SH3D19: variants seen among roughly 807,000 people sequenced by gnomAD.
SH3D19 encodes SH3 domain containing 19.
In SH3D19, 58 loss-of-function variants were observed where a neutral mutation model predicts 112.1. The ratio of observed to expected loss-of-function variants is 0.52; its 90% CI spans 0.42 to 0.64. SH3D19 has a LOEUF of 0.64. Ranked by LOEUF, SH3D19 falls within the 30% of genes least tolerant of loss-of-function variation. The pLI is 0.00. For synonymous variants in SH3D19, 391 were observed against 448.5 expected (o/e 0.87, Z 1.62); for missense variants, 1,090 against 1,263.4 (o/e 0.86, Z 2.08).
chr4:151,149,383 G>A lies in SH3D19; in HGVS notation c.1817+117C>T. ...GATTAGGGGCCTGCGTGAAATCGGTGAGATTATTTTATCTCTAAAAAAAGA... is the reference window on the plus strand; with the variant it reads ...GATTAGGGGCCTGCGTGAAATCGGTAAGATTATTTTATCTCTAAAAAAAGA... On this transcript the variant is annotated intron_variant, in intron 10 of 19. Coordinates refer to ENST00000604030, the MANE Select transcript of SH3D19 (RefSeq NM_001378122.1). 3.9e-6 allele frequency: 3 copies of A among 768,062 alleles called. No homozygotes were observed. The South Asian group carries it at 5.4e-5, about 14-fold the overall frequency. The allele number at this position is 768,062 out of a possible 1,614,324, so 47.6% of individuals were successfully genotyped here. A position where few individuals can be genotyped will look rare whatever the true frequency, so the allele number is the denominator to read the frequency against.
intron 16 of SH3D19, 129 bp from the exon 17 acceptor site, chr4:151,132,512 T>C: frequency 1.4e-6 from 1 of 736,424 alleles, no homozygotes; most frequent in East Asian, 2.7e-5. Flanking sequence ...GGTCTCTTCA[T>C]GTATTGTCTA....
intron 7 of SH3D19, among the ~76,000 whole-genome samples, chr4:151,171,404 T>G (rs1450203779): frequency 6.6e-6 from 1 of 152,162 alleles, no homozygotes; most frequent in East Asian, 1.9e-4. Flanking sequence ...ACACGGAGCA[T>G]CTTAAGAAGA....
intron 1 of SH3D19, among the ~76,000 whole-genome samples, chr4:151,266,825 T>C (rs574749622): frequency 1.3e-5 from 2 of 152,352 alleles, no homozygotes; most frequent in South Asian, 4.1e-4. Context: ...TTATGACTCC[T>C]CTGTGTTAAG....
At chr4:151,253,736 G>A (rs1311183366) in intron 1 of SH3D19, among the ~76,000 whole-genome samples, 11 of 49,476 alleles carry the variant, frequency 2.2e-4, no homozygotes, top group South Asian at 4.2e-4. Flanking sequence ...GCGAGACTCC[G>A]TCTCAAAAAA....
chr4:151,175,511 T>G lies in SH3D19; in HGVS notation c.693A>C (p.Lys231Asn). 7.1e-7 allele frequency: 1 copy of G among 1,410,774 alleles called. No homozygotes were observed. The highest frequency in any genetic ancestry group is 9.2e-7 in the Non-Finnish European group (1 of 1,086,994). The allele number at this position is 1,410,774 out of a possible 1,614,324, so 87.4% of individuals were successfully genotyped here. A position where few individuals can be genotyped will look rare whatever the true frequency, so the allele number is the denominator to read the frequency against. ...CTCTGGGTATTGGTCTGAGGTTGCT[T>G]TTTGATCTTGGTTTTGGCACTGGAC... ...TRCPVPKPRS[K>N]SNLRPIPRDS... The change falls in exon 7 of 20, where the codon AAA (lysine) becomes AAC (asparagine). Residue 231 changes from lysine (K) to asparagine (N), a missense_variant. Transcript: ENST00000604030.
At chr4:151,279,735 G>C (rs878876917) in intron 1 of SH3D19, 4 of 1,501,312 alleles carry the variant, frequency 2.7e-6, no homozygotes, top group South Asian at 2.3e-5. Flanking sequence ...TGATGATAAG[G>C]TGGGGACCAG....
Position 151,148,091 on chromosome 4 carries a change from G to A in SH3D19, c.1913C>T (p.Ser638Phe), listed in dbSNP as rs1754248618. The change falls in exon 11 of 20, where the codon TCT (serine) becomes TTT (phenylalanine). Residue 638 changes from serine to phenylalanine, a missense_variant. Physicochemically the swap from Ser to Phe is radical, Grantham distance 155 (BLOSUM62 -2). Transcript: ENST00000604030. Reference sequence around the variant, plus strand: ...TCGATTAAAAGGCAGTTTCTTATTAGATCTTCTGGTTGCAGAAAGCTTTGG... The same window carrying A: ...TCGATTAAAAGGCAGTTTCTTATTAAATCTTCTGGTTGCAGAAAGCTTTGG... ...PPPKLSATRR[S>F]NKKLPFNRSS... is the part of the protein sequence containing the mutation. The A allele has an allele frequency of 6.2e-7, 1 of 1,613,992 alleles. No individual in the cohort carries two copies.
intron 1 of SH3D19, among the ~76,000 whole-genome samples, chr4:151,274,241 A>AT (rs1431168329): frequency 2.0e-5 from 3 of 152,286 alleles, no homozygotes; most frequent in East Asian, 1.9e-4. Flanking sequence ...AAATGGAGAG[A>AT]TTTTTTTCAC....
intron 12 of SH3D19, among the ~76,000 whole-genome samples, chr4:151,143,657 C>T (rs1189129610): frequency 6.6e-6 from 1 of 151,534 alleles, no homozygotes; most frequent in Non-Finnish European, 1.5e-5. Context: ...CATAATCTCG[C>T]TCTATGGCCC....
chr4:151,132,351 C>T lies in SH3D19; in HGVS notation c.2722G>A (p.Asp908Asn). Reference protein sequence around the residue: ...TKVPLKTKKEDSGSNSQVNSL... With the variant: ...TKVPLKTKKENSGSNSQVNSL... ...CCTACCTGAGAGTTTGAGCCAGAAT[C>T]TTCTTTTTTGGTTTTCAGTGGTACC... The change falls in exon 17 of 20, where the codon GAT becomes AAT. Residue 908 changes from aspartate to asparagine, a missense_variant. By Grantham distance (23) the Asp-to-Asn change is conservative (BLOSUM62 1). Transcript: ENST00000604030. The T allele has an allele frequency of 1.9e-6, 3 of 1,613,842 alleles. No homozygotes were observed. Among genetic ancestry groups the T allele is most frequent in the Non-Finnish European group, 2.5e-6 (3 of 1,179,958 alleles).
At chr4:151,213,448 C>G (rs774014861) in intron 2 of SH3D19, among the ~76,000 whole-genome samples, 4 of 151,948 alleles carry the variant, frequency 2.6e-5, no homozygotes, top group Non-Finnish European at 4.4e-5. Context: ...AGTTCAAGAC[C>G]AGCCTGGGCA....
chr4:151,316,431 T>C (rs1729986999), intron 1 of SH3D19, among the ~76,000 whole-genome samples: 1 of 152,180 alleles, frequency 6.6e-6, no homozygotes, highest in African/African-American at 2.4e-5. Flanking sequence ...GCATGGAGTT[T>C]AATCATACAT....
chr4:151,153,009 T>C (rs546157912), intron 9 of SH3D19, among the ~76,000 whole-genome samples: 8 of 151,808 alleles, frequency 5.3e-5, no homozygotes, highest in African/African-American at 1.5e-4. Flanking sequence ...CTAATTTTTG[T>C]ATTTTTAGTA....
intron 3 of SH3D19, chr4:151,181,858 A>T (rs946555482): frequency 2.0e-5 from 3 of 152,244 alleles, no homozygotes; most frequent in African/African-American, 7.2e-5. Context: ...CCTGCTATGC[A>T]CACTTAAATG....
At chr4:151,126,720 A>AC (rs11408066) in intron 19 of SH3D19, among the ~76,000 whole-genome samples, 124,907 of 144,704 alleles carry the variant, frequency 0.86, 54,662 homozygotes, top group Non-Finnish European at 0.95. Context: ...AATGGCGTGA[A>AC]CCGGGAGGTG....
Position 151,210,825 on chromosome 4 carries a change from A to G in SH3D19, c.152+15222T>C, listed in dbSNP as rs577757400. 1.3e-4 allele frequency among the ~76,000 whole-genome samples: 20 copies of G among 152,238 alleles called. No homozygotes were observed. In the South Asian group the frequency reaches 4.1e-3, roughly 32 times the overall value. The stretch of plus-strand genomic sequence containing the variant: ...TTTTTCTCCTTTTTGTATTTTGACA[A>G]ACTTTCTATAATAGGCACGTATTAT... On this transcript the variant is annotated intron_variant, in intron 2 of 19. Transcript: ENST00000604030.
At chr4:151,141,601 T>C (rs1753000233) in intron 12 of SH3D19, among the ~76,000 whole-genome samples, 1 of 152,172 alleles carries the variant, frequency 6.6e-6, no homozygotes, top group Admixed American at 6.5e-5. Context: ...GCTATGATTG[T>C]GCCACTATAC....
chr4:151,226,205 G>T (rs1417825143), intron 1 of SH3D19, 119 bp from the exon 2 acceptor site: 1 of 1,227,146 alleles, frequency 8.1e-7, no homozygotes, highest in Non-Finnish European at 1.0e-6. Context: ...AGGTAGTTGT[G>T]TCTTCCTAAG....
chr4:151,212,988 G>T (rs1365273409), intron 2 of SH3D19, among the ~76,000 whole-genome samples: 4 of 152,208 alleles, frequency 2.6e-5, no homozygotes, highest in African/African-American at 9.7e-5. Flanking sequence ...GACTCCCGTG[G>T]AGGAAGTAAC....
Sources: gnomAD v4.1 joint callset for allele counts (sites outside exome capture counted in the v4.1 genomes callset) on GRCh38, gnomAD v4.1.1 for gene constraint, MANE v1.5 for transcripts, NCBI Gene and HGNC (gene_info 2026-07-23, HGNC 2026-07-21) for gene names.